CSMD3: variants seen among roughly 807,000 people sequenced by gnomAD.
CSMD3 encodes the protein CUB and sushi domain-containing protein 3.
In CSMD3, 177 loss-of-function variants were observed where a neutral mutation model predicts 435.2. That is an observed-to-expected ratio of 0.41 (90% CI 0.36 to 0.46). The LOEUF is 0.46. CSMD3 is among the 20% of genes least tolerant of loss of function. The probability of loss-of-function intolerance (pLI) is 0.34; values close to 1 mark genes in which losing one functional copy is unlikely to be tolerated. For synonymous variants in CSMD3, 1,656 were observed against 1,520.5 expected, an observed-to-expected ratio of 1.09 and a Z score of -2.07; for missense variants, 4,265 against 4,504.6, an observed-to-expected ratio of 0.95 and a Z score of 1.52.
chr8:112,904,487 A>C (rs2082199315), intron 10 of CSMD3, among the ~76,000 whole-genome samples: 1 of 151,598 alleles, frequency 6.6e-6, no homozygotes, highest in East Asian at 2.0e-4. Flanking sequence ...TAGATGACTA[A>C]GGAGATCTTG....
intron 23 of CSMD3, among the ~76,000 whole-genome samples, chr8:112,582,587 C>T (rs1830411042): frequency 6.6e-6 from 1 of 150,494 alleles, no homozygotes; most frequent in Non-Finnish European, 1.5e-5. Context: ...TTAGATTTTA[C>T]TTATAATGAG....
chr8:112,480,571 C>T (rs904583210), intron 31 of CSMD3, among the ~76,000 whole-genome samples: 6 of 152,140 alleles, frequency 3.9e-5, no homozygotes, highest in South Asian at 2.1e-4. Flanking sequence ...GCTATCCTTG[C>T]GATAGTGAGT....
intron 6 of CSMD3, among the ~76,000 whole-genome samples, chr8:112,997,029 T>G (rs2085679041): frequency 6.6e-6 from 1 of 151,512 alleles, no homozygotes; most frequent in African/African-American, 2.4e-5. Flanking sequence ...AGGGTACTGA[T>G]TAGTGTCTAT....
At chr8:113,344,021 T>G (rs2094136693) in intron 1 of CSMD3, among the ~76,000 whole-genome samples, 1 of 152,314 alleles carries the variant, frequency 6.6e-6, no homozygotes, top group Admixed American at 6.5e-5. Context: ...CTTCATATTT[T>G]TAGGTATATA....
At chr8:113,313,206 G>GT (rs1292067660) in intron 2 of CSMD3, 1 of 152,130 alleles carries the variant, frequency 6.6e-6, no homozygotes, top group Non-Finnish European at 1.5e-5. Context: ...CAAAAAGCTG[G>GT]TGAGCAACAA....
intron 1 of CSMD3, among the ~76,000 whole-genome samples, chr8:113,409,362 C>T (rs539781193): frequency 6.2e-4 from 94 of 152,076 alleles, no homozygotes; most frequent in Non-Finnish European, 1.1e-3. Context: ...GGATTACAGG[C>T]CTGAGCCACC....
intron 3 of CSMD3, among the ~76,000 whole-genome samples, chr8:113,220,501 C>A (rs1588302221): frequency 6.6e-6 from 1 of 151,186 alleles, no homozygotes; most frequent in African/African-American, 2.4e-5. Flanking sequence ...AAGTAATAAT[C>A]ATAATAAAAT....
chr8:112,740,587 A>T (rs1200633373), intron 13 of CSMD3, among the ~76,000 whole-genome samples: 2 of 151,914 alleles, frequency 1.3e-5, no homozygotes, highest in Non-Finnish European at 2.9e-5. Flanking sequence ...TAAATTACAA[A>T]AAAGAAGAGT....
At chr8:112,553,347 A>C (rs1827849462) in intron 25 of CSMD3, among the ~76,000 whole-genome samples, 1 of 152,060 alleles carries the variant, frequency 6.6e-6, no homozygotes, top group African/African-American at 2.4e-5. Context: ...TATAATTAAA[A>C]TTTTATATTT....
At chr8:113,228,451 A>T (rs1413103173) in intron 3 of CSMD3, among the ~76,000 whole-genome samples, 2 of 151,584 alleles carry the variant, frequency 1.3e-5, no homozygotes, top group African/African-American at 4.8e-5. Context: ...TCAGATAAAA[A>T]ATTCACTGGA....
chr8:113,194,643 T>C (rs1289481189), intron 3 of CSMD3, among the ~76,000 whole-genome samples: 2 of 151,222 alleles, frequency 1.3e-5, no homozygotes, highest in African/African-American at 2.4e-5. Flanking sequence ...CGTGAGTGTG[T>C]AGGCGAAGGA....
chr8:113,329,824 A>G (rs2094013575), intron 1 of CSMD3, among the ~76,000 whole-genome samples: 1 of 152,166 alleles, frequency 6.6e-6, no homozygotes, highest in Non-Finnish European at 1.5e-5. Flanking sequence ...GAGAACGTTA[A>G]CAAGAAAATC....
intron 4 of CSMD3, among the ~76,000 whole-genome samples, chr8:113,121,178 A>T (rs1340300221): frequency 6.6e-6 from 1 of 152,110 alleles, no homozygotes; most frequent in African/African-American, 2.4e-5. Context: ...CAGGTCAGCC[A>T]TGTGTGCTGC....
At chr8:113,190,028 T>C (rs913532991) in intron 3 of CSMD3, among the ~76,000 whole-genome samples, 2 of 151,708 alleles carry the variant, frequency 1.3e-5, no homozygotes, top group African/African-American at 2.4e-5. Flanking sequence ...GTTATAAATT[T>C]ATAATTTTTT....
At position 112,276,534 on chromosome 8, in the gene CSMD3, C is replaced by T. The variant is rs77568360; in HGVS notation, c.9508+4640G>A. Among the ~76,000 whole-genome samples the T allele has an allele frequency of 3.9e-5, 6 of 152,202 alleles. No homozygotes were observed. The East Asian group carries it at 1.2e-3, about 30-fold the overall frequency. On this transcript the variant is annotated intron_variant, in intron 59 of 70. Transcript: ENST00000297405. The stretch of plus-strand genomic sequence containing the variant: ...AACTCTGTGACAGCTCCTCCCATCA[C>T]AGGCCTGGAAGTCTAGGAGGAAAAA...
At chr8:112,532,419 A>G (rs1825630446) in intron 27 of CSMD3, among the ~76,000 whole-genome samples, 1 of 152,172 alleles carries the variant, frequency 6.6e-6, no homozygotes, top group Non-Finnish European at 1.5e-5. Flanking sequence ...GGCATTTAAT[A>G]ATCAAACTCT....
At chr8:113,187,935 T>C (rs984693103) in intron 3 of CSMD3, among the ~76,000 whole-genome samples, 33 of 152,086 alleles carry the variant, frequency 2.2e-4, no homozygotes, top group African/African-American at 6.7e-4. Context: ...TATTCACTGC[T>C]TATCAATATG....
chr8:112,769,861 A>G (rs1388397017), intron 13 of CSMD3, among the ~76,000 whole-genome samples: 1 of 151,966 alleles, frequency 6.6e-6, no homozygotes. Flanking sequence ...ACACATACAT[A>G]TTACTAAAAT....
intron 18 of CSMD3, among the ~76,000 whole-genome samples, chr8:112,652,061 C>CT (rs1480249590): frequency 6.6e-6 from 1 of 152,100 alleles, no homozygotes; most frequent in Non-Finnish European, 1.5e-5. Flanking sequence ...GTTGGACATA[C>CT]GTATAGCCAA....
Sources: gnomAD v4.1 joint callset for allele counts (sites outside exome capture counted in the v4.1 genomes callset) on GRCh38, gnomAD v4.1.1 for gene constraint, MANE v1.5 for transcripts, NCBI Gene and HGNC (gene_info 2026-07-23, HGNC 2026-07-21) for gene names.